The following TTN variants were observed in gnomAD, a reference collection of about 807,000 sequenced individuals.
The protein encoded by TTN is connectin.
A neutral mutation model predicts 3,223.0 loss-of-function variants in TTN; 1,525 were observed. That is an observed-to-expected ratio of 0.47 (90% CI 0.45 to 0.49). The LOEUF (loss-of-function observed/expected upper bound fraction) is 0.49, where lower values mean the gene tolerates loss of function less well. TTN is among the 20% of genes least tolerant of loss of function. The pLI, the probability that TTN is intolerant of heterozygous loss-of-function variation, is 0.00. For synonymous variants in TTN, 14,094 were observed against 15,161.0 expected, an observed-to-expected ratio of 0.93 and a Z score of 5.17; for missense variants, 40,786 against 43,424.0, an observed-to-expected ratio of 0.94 and a Z score of 5.40.
In TTN at chr2:178,552,284, G is replaced by C. The variant is rs373893122; in HGVS notation, c.90616C>G (p.Leu30206Val). 6.2e-7 allele frequency: 1 copy of C among 1,613,370 alleles called. No individual in the cohort carries two copies. Among genetic ancestry groups the C allele is most frequent in the East Asian group, 2.2e-5 (1 of 44,856 alleles). ...GCAATTCTACACACTGCATTATCAA[G>C]AATAACAGTGTATTTTCCTCCATGC... Reference protein sequence around the residue: ...KEHGGKYTVILDNAVCRIAVP... With the variant: ...KEHGGKYTVIVDNAVCRIAVP... The change falls in exon 335 of 363, where the codon CTT becomes GTT. Residue 30206 changes from leucine to valine, a missense_variant. Leu to Val is a conservative substitution (Grantham distance 32). Coordinates refer to ENST00000589042, the MANE Select transcript of TTN (RefSeq NM_001267550.2).
rs377420286 is a variant in TTN, at chr2:178,672,065, T to C, written c.35133A>G (p.Glu11711=). The change falls in exon 155 of 363, where the codon GAA becomes GAG. Residue 11711 remains glutamate (E), a synonymous_variant. Coordinates refer to ENST00000589042, the MANE Select transcript of TTN (RefSeq NM_001267550.2). ...EFIKLEQHRV[E]EEHRVEKVHR... ...GAACTTTTTCAACTCTGTGTTCTTC[T>C]TCAACTCTATGTTGTTCTAATTTGA... 9 of 1,611,698 alleles carry C rather than the reference T, an allele frequency of 5.6e-6. No individual in the cohort carries two copies. The African/African-American group carries it at 9.4e-5, about 17-fold the overall frequency.
chr2:178,746,877 C>G, intron 47 of TTN: 1 of 1,613,482 alleles, frequency 6.2e-7, no homozygotes, highest in Non-Finnish European at 8.5e-7. Flanking sequence ...TCTTTTGGCT[C>G]AATGGCTTCA....
In TTN at chr2:178,723,166, T is replaced by C. The variant is rs1482166056; in HGVS notation, c.21841A>G (p.Thr7281Ala). Residue 7281 changes from threonine (T) to alanine (A), a missense_variant, in exon 75 of 363, where the codon ACA becomes GCA. Transcript: ENST00000589042. The stretch of plus-strand genomic sequence containing the variant: ...ATTTCCAGGATACAAGTTTTCTCTG[T>C]TGTGACTATGTTACATTTTTCAGAG... Reference protein sequence around the residue: ...TTSEKCNIVTTEKTCILEILN... With the variant: ...TTSEKCNIVTAEKTCILEILN... 4 of 1,613,568 alleles carry C rather than the reference T, an allele frequency of 2.5e-6. No individual in the cohort carries two copies. The highest frequency in any genetic ancestry group is 3.4e-6 in the Non-Finnish European group (4 of 1,179,658).
In TTN at chr2:178,547,910, A is replaced by T; in HGVS notation, c.93716T>A (p.Ile31239Asn). The change falls in exon 339 of 363, where the codon ATC (isoleucine) becomes AAC (asparagine). Residue 31239 changes from isoleucine (I) to asparagine (N), a missense_variant. Ile to Asn is a moderately radical substitution (Grantham distance 149, BLOSUM62 -3). Transcript: ENST00000589042. ...TACTTTGGGGGCAGGACGACCACTG[A>T]TTGGTACGTCAATGGTAAATGGGCT... The part of the protein sequence containing the change: ...AGSPFTIDVP[I>N]SGRPAPKVTW... 2 of 1,613,790 alleles carry T rather than the reference A, an allele frequency of 1.2e-6. No homozygotes were observed. Among genetic ancestry groups the T allele is most frequent in the Non-Finnish European group, 1.7e-6 (2 of 1,179,818 alleles).
rs2070750075 is a variant in TTN at position 178,685,996 on chromosome 2, T to C, written c.32312-398A>G. On this transcript the variant is annotated intron_variant, in intron 127 of 362. Coordinates refer to ENST00000589042, the MANE Select transcript of TTN (RefSeq NM_001267550.2). ...CAGGGCAGAAACATACTTGAGGATT[T>C]AAGTGAATTGTAAGATAATATTCCA... Among the ~76,000 whole-genome samples the C allele has an allele frequency of 3.9e-5, 6 of 152,208 alleles. No homozygotes were observed. The South Asian group carries it at 1.2e-3, about 32-fold the overall frequency.
In TTN at chr2:178,579,899, A is replaced by C. The variant is rs72646874; in HGVS notation, c.67348+40T>G. ...GTAAGCCCCATATAACAAAGGAAGG[A>C]TATAACTCAAAATGATGGGATGATG... On this transcript the variant is annotated intron_variant, in intron 318 of 362. Coordinates refer to ENST00000589042, the MANE Select transcript of TTN (RefSeq NM_001267550.2). 0.023 allele frequency: 36,909 copies of C among 1,612,468 alleles called. 529 individuals are homozygous for C. Among genetic ancestry groups the C allele is most frequent in the East Asian group, 0.063 (2,830 of 44,748 alleles).
intron 121 of TTN, among the ~76,000 whole-genome samples, chr2:178,690,816 CTATGTG>C (rs1360966758): frequency 6.6e-6 from 1 of 151,934 alleles, no homozygotes; most frequent in Non-Finnish European, 1.5e-5. Flanking sequence ...TGCTATTATA[CTATGTG>C]TATTTGTTTT....
intron 45 of TTN, among the ~76,000 whole-genome samples, chr2:178,757,231 T>TGTACTGCTTTAAGTA (rs1252574568): frequency 6.7e-6 from 1 of 148,874 alleles, no homozygotes; most frequent in Non-Finnish European, 1.5e-5. Flanking sequence ...TAAGTAATAA[T>TGTACTGCTTTAAGTA]CAGCAAATAG....
Position 178,565,761 on chromosome 2 carries a change from C to G in TTN, c.80371G>C (p.Asp26791His). The change falls in exon 326 of 363, where the codon GAT (aspartate) becomes CAT (histidine). Residue 26791 changes from aspartate (D) to histidine (H), a missense_variant. Transcript: ENST00000589042. Reference sequence around the variant, plus strand: ...AGTGATGCACTGGTCTGGGACACATCAGTGAGTGTAACCTTTCCTGGTGGG... The same window carrying G: ...AGTGATGCACTGGTCTGGGACACATGAGTGAGTGTAACCTTTCCTGGTGGG... ...PSPPGKVTLT[D>H]VSQTSASLMW... 6.2e-7 allele frequency: 1 copy of G among 1,613,594 alleles called. No individual in the cohort carries two copies. Among genetic ancestry groups the G allele is most frequent in the Non-Finnish European group, 8.5e-7 (1 of 1,179,626 alleles).
In TTN at chr2:178,559,449, C is replaced by T. The variant is rs201290358; in HGVS notation, c.86683G>A (p.Val28895Met). ...GAGAGGCGGTTACAGTTGTTGGTCA[C>T]AGAGACCCATGCTTTCTTGCTGGCC... Reference protein sequence around the residue: ...REASKKAWVSVTNNCNRLSYK... With the variant: ...REASKKAWVSMTNNCNRLSYK... The change falls in exon 326 of 363, where the codon GTG becomes ATG. Residue 28895 changes from valine to methionine, a missense_variant. Val to Met is a conservative substitution (Grantham distance 21). Coordinates refer to ENST00000589042, the MANE Select transcript of TTN (RefSeq NM_001267550.2). 7.0e-4 allele frequency: 1,128 copies of T among 1,613,720 alleles called. 11 individuals are homozygous for T. In the South Asian group the frequency reaches 0.012, roughly 17 times the overall value.
chr2:178,545,634 T>C lies in TTN; in HGVS notation c.95476A>G (p.Ile31826Val), dbSNP rs1441494363. The change falls in exon 344 of 363, where the codon ATT becomes GTT. Residue 31826 changes from isoleucine (I) to valine (V), a missense_variant. Ile to Val is a conservative substitution (Grantham distance 29). Coordinates refer to ENST00000589042, the MANE Select transcript of TTN (RefSeq NM_001267550.2). ...TCAGATTCAGGTTTTGTCCACTGAA[T>C]GATGATATGCTCTTTGCCAGTCCCA... ...EVGTGKEHIIIQWTKPESDGG... is the reference protein window; with the variant it reads ...EVGTGKEHIIVQWTKPESDGG... The C allele has an allele frequency of 1.2e-6, 2 of 1,613,828 alleles. No homozygotes were observed. Among genetic ancestry groups the C allele is most frequent in the East Asian group, 2.2e-5 (1 of 44,876 alleles).
chr2:178,528,241 A>G, intron 361 of TTN, 33 bp downstream of exon 361: 2 of 1,600,312 alleles, frequency 1.2e-6, no homozygotes, highest in Non-Finnish European at 1.7e-6. Context: ...AAGGCCTTAA[A>G]CATGTAAGGA....
intron 217 of TTN, 186 bp from the exon 218 acceptor site, chr2:178,644,802 C>T (rs1026221573): frequency 3.3e-5 from 16 of 480,126 alleles, no homozygotes; most frequent in Non-Finnish European, 5.8e-5. Context: ...CAGTTTTACT[C>T]CAAAGTTCAG....
At chr2:178,643,148 C>A (rs183479841) in intron 218 of TTN, among the ~76,000 whole-genome samples, 1 of 151,924 alleles carries the variant, frequency 6.6e-6, no homozygotes, top group Non-Finnish European at 1.5e-5. Context: ...CAATTAAAAT[C>A]TAATTTAAAA....
At chr2:178,801,518 G>A (rs558423612) in intron 3 of TTN, among the ~76,000 whole-genome samples, 3 of 152,212 alleles carry the variant, frequency 2.0e-5, no homozygotes, top group South Asian at 2.1e-4. Context: ...GTAACTTTAC[G>A]TAGCTCATGT....
chr2:178,642,390 T>C, intron 218 of TTN, 73 bp from the exon 219 acceptor site: 3 of 1,336,048 alleles, frequency 2.2e-6, no homozygotes, highest in Non-Finnish European at 2.1e-6. Flanking sequence ...AAAATGTCTC[T>C]CCTAAAACTA....
chr2:178,712,872 G>A lies in TTN; in HGVS notation c.27153C>T (p.Ser9051=), dbSNP rs1159097738. Residue 9051 remains serine, a synonymous_variant, in exon 94 of 363, where the codon AGC becomes AGT. Coordinates refer to ENST00000589042, the MANE Select transcript of TTN (RefSeq NM_001267550.2). ...CTAGTTCACTGCTACCTTTGAACCAGCTAACACTGAAAGGAGGTGTTCCTT... is the reference window on the plus strand; with the variant it reads ...CTAGTTCACTGCTACCTTTGAACCAACTAACACTGAAAGGAGGTGTTCCTT... ...IVKGTPPFSV[S]WFKGSSELVP... 6.2e-7 allele frequency: 1 copy of A among 1,613,560 alleles called. No homozygotes were observed.
intron 303 of TTN, 23 bp downstream of exon 303, chr2:178,591,576 A>T: frequency 6.2e-7 from 1 of 1,605,428 alleles, no homozygotes; most frequent in African/African-American, 1.3e-5. Context: ...GAAATAAGGT[A>T]ATACTGCTAG....
rs67996921 is a variant in TTN, at chr2:178,768,617, T to C, written c.9163+56A>G. 2,167 of 1,611,592 alleles carry C rather than the reference T, an allele frequency of 1.3e-3. 17 individuals are homozygous for C. In the African/African-American group the frequency reaches 0.026, roughly 19 times the overall value. On this transcript the variant is annotated intron_variant, in intron 38 of 362. Transcript: ENST00000589042. Reference sequence around the variant, plus strand: ...TCCATTCATTAATTGATACACTAAATTTTATAAAGCATGTATGACATTTTT... The same window carrying C: ...TCCATTCATTAATTGATACACTAAACTTTATAAAGCATGTATGACATTTTT...
Sources: allele counts gnomAD v4.1 joint callset (sites outside exome capture counted in the v4.1 genomes callset), GRCh38; gene constraint gnomAD v4.1.1; transcripts MANE v1.5; gene names NCBI Gene and HGNC (gene_info 2026-07-23, HGNC 2026-07-21).